The following CDH13 variants were observed in gnomAD, a reference collection of about 807,000 sequenced individuals.
CDH13 encodes cadherin-13.
In CDH13, 24 loss-of-function variants were observed where a neutral mutation model predicts 63.8. That is an observed-to-expected ratio of 0.38 (90% confidence interval 0.27 to 0.53). The LOEUF is 0.53. Among genes scored for constraint, CDH13 ranks in the 20% least tolerant of loss-of-function variants. CDH13 has a pLI of 0.85. For synonymous variants in CDH13, 503 were observed against 355.3 expected, an observed-to-expected ratio of 1.42 and a Z score of -4.67; for missense variants, 1,049 against 903.1, an observed-to-expected ratio of 1.16 and a Z score of -2.07.
chr16:82,816,358 C>T (rs2037710034), intron 1 of CDH13, among the ~76,000 whole-genome samples: 1 of 152,096 alleles, frequency 6.6e-6, no homozygotes, highest in Admixed American at 6.6e-5. Context: ...GACAAAAATC[C>T]CTACTCTGAA....
intron 2 of CDH13, among the ~76,000 whole-genome samples, chr16:83,018,454 A>G (rs1915023880): frequency 6.6e-6 from 1 of 152,210 alleles, no homozygotes; most frequent in South Asian, 2.1e-4. Context: ...TCCCAGTTGT[A>G]AGAGACATCA....
At chr16:82,929,968 C>T (rs906086102) in intron 2 of CDH13, among the ~76,000 whole-genome samples, 1 of 151,652 alleles carries the variant, frequency 6.6e-6, no homozygotes, top group Non-Finnish European at 1.5e-5. Context: ...CCGGAAGCCC[C>T]ATGCCCTCTC....
intron 6 of CDH13, among the ~76,000 whole-genome samples, chr16:83,421,167 T>C (rs1328986940): frequency 6.6e-6 from 1 of 152,122 alleles, no homozygotes; most frequent in East Asian, 1.9e-4. Flanking sequence ...GAGGAGAAAG[T>C]GGCATAAGTC....
chr16:83,182,035 A>C (rs8054283), intron 4 of CDH13, among the ~76,000 whole-genome samples: 12,965 of 152,230 alleles, frequency 0.085, 1,082 homozygotes, highest in African/African-American at 0.22. Flanking sequence ...TTGTGGGACT[A>C]CTTGGGAACA....
intron 11 of CDH13, among the ~76,000 whole-genome samples, chr16:83,752,626 GA>G (rs1180958270): frequency 1.3e-5 from 2 of 152,124 alleles, no homozygotes; most frequent in African/African-American, 4.8e-5. Flanking sequence ...TCTCATCTTT[GA>G]GACTCATTGA....
At chr16:82,849,586 CT>C (rs2039397615) in intron 1 of CDH13, among the ~76,000 whole-genome samples, 1 of 152,174 alleles carries the variant, frequency 6.6e-6, no homozygotes, top group South Asian at 2.1e-4. Context: ...GAAGATCTAG[CT>C]AAGATCATTG....
rs547792456 is a variant in CDH13 at position 82,751,874 on chromosome 16, T to C, written c.46-106488T>C. 4.6e-5 allele frequency among the ~76,000 whole-genome samples: 7 copies of C among 151,946 alleles called. No individual in the cohort carries two copies. In the East Asian group the frequency reaches 1.4e-3, roughly 29 times the overall value. ...AAATGTGGATCCTCCCGCAGGTGAG[T>C]ATAAGGATGTCTGAATGTACAGAAA... On this transcript the variant is annotated intron_variant, in intron 1 of 13. Transcript: ENST00000567109.
chr16:83,583,431 T>C (rs1363164029), intron 7 of CDH13, among the ~76,000 whole-genome samples: 13 of 152,252 alleles, frequency 8.5e-5, no homozygotes, highest in East Asian at 1.9e-4. Context: ...TTAAAGCTCA[T>C]ATCTCTGTCC....
At chr16:82,744,707 A>G (rs2034082284) in intron 1 of CDH13, among the ~76,000 whole-genome samples, 1 of 152,126 alleles carries the variant, frequency 6.6e-6, no homozygotes, top group Non-Finnish European at 1.5e-5. Flanking sequence ...CATGCTAGGC[A>G]CTGCAGTGAA....
At chr16:83,347,580 A>G (rs2090866790) in intron 6 of CDH13, among the ~76,000 whole-genome samples, 1 of 152,088 alleles carries the variant, frequency 6.6e-6, no homozygotes, top group African/African-American at 2.4e-5. Flanking sequence ...GTACAACATC[A>G]TTTCATCCAT....
At chr16:83,137,070 G>A (rs1337050248) in intron 4 of CDH13, among the ~76,000 whole-genome samples, 1 of 152,236 alleles carries the variant, frequency 6.6e-6, no homozygotes, top group Non-Finnish European at 1.5e-5. Context: ...GGGTCAGGGG[G>A]CACATGGGTC....
At chr16:82,856,333 C>G (rs539156425) in intron 1 of CDH13, among the ~76,000 whole-genome samples, 7 of 146,588 alleles carry the variant, frequency 4.8e-5, no homozygotes, top group African/African-American at 7.6e-5. Flanking sequence ...AGAGATCATG[C>G]CACTGCACTC....
In CDH13 at chr16:83,291,334, C is replaced by G. The variant is rs138840973; in HGVS notation, c.637-53528C>G. 4.1e-3 allele frequency among the ~76,000 whole-genome samples: 618 copies of G among 152,148 alleles called. 4 individuals are homozygous for G. Among genetic ancestry groups the G allele is most frequent in the African/African-American group, 0.014 (585 of 41,504 alleles). ...CTTCATCTTCCAGGGAGAATTGTCG[C>G]TTTTCTCATTCAACTTTTCAGCTTA... is the stretch of plus-strand genomic sequence containing the variant. On this transcript the variant is annotated intron_variant, in intron 5 of 13. Coordinates refer to ENST00000567109, the MANE Select transcript of CDH13 (RefSeq NM_001257.5).
At chr16:82,695,521 G>C (rs1267119885) in intron 1 of CDH13, among the ~76,000 whole-genome samples, 1 of 152,158 alleles carries the variant, frequency 6.6e-6, no homozygotes, top group Non-Finnish European at 1.5e-5. Context: ...CTGTCCCTTA[G>C]CTTTGGTGTG....
chr16:83,602,724 G>C, intron 8 of CDH13, 130 bp downstream of exon 8: 1 of 939,420 alleles, frequency 1.1e-6, no homozygotes, highest in South Asian at 1.5e-5. Context: ...TGGGAGAGAC[G>C]ATGGTGTTTT....
intron 2 of CDH13, among the ~76,000 whole-genome samples, chr16:82,987,734 CAA>C (rs1911128949): frequency 6.6e-6 from 1 of 152,172 alleles, no homozygotes. Context: ...GGTTGAATCG[CAA>C]AGAGTGTAAG....
chr16:82,631,354 C>T (rs999999100), intron 1 of CDH13, among the ~76,000 whole-genome samples: 1 of 152,182 alleles, frequency 6.6e-6, no homozygotes, highest in Non-Finnish European at 1.5e-5. Flanking sequence ...AGGAGATAAC[C>T]TTCCCCCTTA....
intron 1 of CDH13, among the ~76,000 whole-genome samples, chr16:82,802,722 A>G (rs1219111630): frequency 6.6e-6 from 1 of 152,002 alleles, no homozygotes; most frequent in African/African-American, 2.4e-5. Flanking sequence ...TTTAAAGGTG[A>G]GCATACTGGG....
At chr16:83,256,165 T>C (rs931013929) in intron 5 of CDH13, among the ~76,000 whole-genome samples, 4 of 152,190 alleles carry the variant, frequency 2.6e-5, no homozygotes, top group East Asian at 1.9e-4. Flanking sequence ...TTCCAAGTAG[T>C]TGGGACTACA....
Sources: gnomAD v4.1 joint callset for allele counts (sites outside exome capture counted in the v4.1 genomes callset) on GRCh38, gnomAD v4.1.1 for gene constraint, MANE v1.5 for transcripts, NCBI Gene and HGNC (gene_info 2026-07-23, HGNC 2026-07-21) for gene names.